The following ZFAND6 variants were observed in gnomAD, a reference collection of about 807,000 sequenced individuals.
ZFAND6 encodes zinc finger AN1-type containing 6.
Under a neutral mutation model 24.5 loss-of-function variants are expected in ZFAND6, and 12 were observed. The ratio of observed to expected loss-of-function variants is 0.49; its 90% CI spans 0.31 to 0.79. The LOEUF is 0.79. Among genes scored for constraint, ZFAND6 ranks in the 30% least tolerant of loss-of-function variants. The pLI is 0.04. For missense variants in ZFAND6, 207 were observed against 245.9 expected (o/e 0.84, Z 1.06); for synonymous variants, 92 against 81.5 (o/e 1.13, Z -0.69).
chr15:80,111,472 G>A (rs2039606077), intron 2 of ZFAND6: 1 of 454,778 alleles, frequency 2.2e-6, no homozygotes, highest in Non-Finnish European at 4.4e-6. Context: ...GAGGTTGGTG[G>A]AGTCGCCGGT....
chr15:80,089,009 AC>A (rs1469430793), intron 1 of ZFAND6, among the ~76,000 whole-genome samples: 4 of 151,970 alleles, frequency 2.6e-5, no homozygotes, highest in African/African-American at 9.7e-5. Context: ...CCTCATCTCA[AC>A]GTGTACTGTA....
chr15:80,065,871 A>G (rs868318181), intron 1 of ZFAND6, among the ~76,000 whole-genome samples: 50 of 152,096 alleles, frequency 3.3e-4, no homozygotes, highest in Admixed American at 2.5e-3. Flanking sequence ...ACTTAAAAAA[A>G]TTGCAACTTT....
At chr15:80,125,570 T>A (rs1166476897) in intron 5 of ZFAND6, among the ~76,000 whole-genome samples, 1 of 152,234 alleles carries the variant, frequency 6.6e-6, no homozygotes. Flanking sequence ...ATTTAGCATA[T>A]TGAAGCATGT....
intron 1 of ZFAND6, among the ~76,000 whole-genome samples, chr15:80,081,332 C>G (rs2037654651): frequency 6.6e-6 from 1 of 152,126 alleles, no homozygotes; most frequent in Non-Finnish European, 1.5e-5. Context: ...AGGAAACTCA[C>G]ATACTGTTTG....
At chr15:80,061,650 C>A (rs557028170) in intron 1 of ZFAND6, among the ~76,000 whole-genome samples, 1 of 152,142 alleles carries the variant, frequency 6.6e-6, no homozygotes, top group South Asian at 2.1e-4. Context: ...TAGTTTATTT[C>A]ATTGCTTTAT....
intron 1 of ZFAND6, among the ~76,000 whole-genome samples, chr15:80,097,911 A>G (rs2038825612): frequency 6.6e-6 from 1 of 152,082 alleles, no homozygotes; most frequent in African/African-American, 2.4e-5. Context: ...CTGTAGTAAT[A>G]ATGGTACTGT....
At chr15:80,072,983 C>T (rs1316561228) in intron 1 of ZFAND6, among the ~76,000 whole-genome samples, 1 of 151,812 alleles carries the variant, frequency 6.6e-6, no homozygotes, top group Non-Finnish European at 1.5e-5. Flanking sequence ...TGAGGAGGTT[C>T]ATTTGATATG....
chr15:80,113,478 C>G (rs1156434271), intron 2 of ZFAND6, among the ~76,000 whole-genome samples: 1 of 152,070 alleles, frequency 6.6e-6, no homozygotes, highest in East Asian at 1.9e-4. Context: ...TATATTTTCT[C>G]CCTATTTTTT....
chr15:80,076,715 A>C (rs1313437250), intron 1 of ZFAND6, among the ~76,000 whole-genome samples: 1 of 152,092 alleles, frequency 6.6e-6, no homozygotes, highest in Non-Finnish European at 1.5e-5. Flanking sequence ...TTTAAAACTG[A>C]GGTTTGTCAG....
At chr15:80,127,661 C>T (rs1411575293) in intron 5 of ZFAND6, among the ~76,000 whole-genome samples, 4 of 149,538 alleles carry the variant, frequency 2.7e-5, no homozygotes, top group Non-Finnish European at 4.4e-5. Context: ...AGTCATGGGA[C>T]ACCACTTCGT....
intron 1 of ZFAND6, among the ~76,000 whole-genome samples, chr15:80,090,582 C>T (rs1191677181): frequency 6.6e-6 from 1 of 152,160 alleles, no homozygotes; most frequent in Non-Finnish European, 1.5e-5. Context: ...GTTAATCCTG[C>T]TCCATGCTCA....
chr15:80,095,798 C>T (rs2038687062), intron 1 of ZFAND6, among the ~76,000 whole-genome samples: 1 of 152,084 alleles, frequency 6.6e-6, no homozygotes, highest in African/African-American at 2.4e-5. Context: ...CTCTAACTGC[C>T]CTTCAAAATG....
intron 2 of ZFAND6, among the ~76,000 whole-genome samples, chr15:80,118,285 G>C (rs942151806): frequency 6.6e-6 from 1 of 151,210 alleles, no homozygotes; most frequent in Non-Finnish European, 1.5e-5. Context: ...GCCACACCCG[G>C]CTAGTTTTTT....
At chr15:80,089,508 A>T (rs1321574634) in intron 1 of ZFAND6, among the ~76,000 whole-genome samples, 1 of 151,926 alleles carries the variant, frequency 6.6e-6, no homozygotes, top group African/African-American at 2.4e-5. Flanking sequence ...TGCCTGCCTC[A>T]GCCTCCCAAA....
At chr15:80,071,738 C>G (rs957479571) in intron 1 of ZFAND6, among the ~76,000 whole-genome samples, 28 of 149,386 alleles carry the variant, frequency 1.9e-4, no homozygotes, top group African/African-American at 6.7e-4. Context: ...AAGTAGTTTC[C>G]ACACATTAAA....
At chr15:80,100,437 G>T (rs1325592261) in intron 2 of ZFAND6, among the ~76,000 whole-genome samples, 1 of 152,124 alleles carries the variant, frequency 6.6e-6, no homozygotes, top group Non-Finnish European at 1.5e-5. Context: ...AGAGGGTTTA[G>T]GGGGAAATTG....
intron 6 of ZFAND6, chr15:80,131,496 G>T: frequency 2.1e-6 from 1 of 466,168 alleles, no homozygotes; most frequent in Admixed American, 3.7e-5. Context: ...TTTAAAAAAA[G>T]TTTTATTTCA....
At chr15:80,067,458 T>C (rs1327064077) in intron 1 of ZFAND6, among the ~76,000 whole-genome samples, 1 of 152,196 alleles carries the variant, frequency 6.6e-6, no homozygotes, top group South Asian at 2.1e-4. Flanking sequence ...TCATTTTATA[T>C]TGGGCTTTTC....
At chr15:80,103,651 C>T (rs757253740) in intron 2 of ZFAND6, among the ~76,000 whole-genome samples, 4 of 152,138 alleles carry the variant, frequency 2.6e-5, no homozygotes, top group Non-Finnish European at 5.9e-5. Context: ...TTGCAGAAAC[C>T]AGGTATGTGA....
Sources: allele counts gnomAD v4.1 joint callset (sites outside exome capture counted in the v4.1 genomes callset), GRCh38; gene constraint gnomAD v4.1.1; transcripts MANE v1.5; gene names NCBI Gene and HGNC (gene_info 2026-07-23, HGNC 2026-07-21).